The following CNTN4 variants were observed in gnomAD, a reference collection of about 807,000 sequenced individuals.
CNTN4 encodes the protein contactin 4.
A neutral mutation model predicts 122.5 loss-of-function variants in CNTN4; 77 were observed. The ratio of observed to expected loss-of-function variants is 0.63; its 90% CI spans 0.52 to 0.76. CNTN4 has a LOEUF of 0.76. CNTN4 is among the 30% of genes least tolerant of loss of function. CNTN4 has a pLI of 0.00. For synonymous variants in CNTN4, 512 were observed against 447.0 expected (o/e 1.15, Z -1.83); for missense variants, 1,256 against 1,259.1 (o/e 1.00, Z 0.04).
chr3:2,551,516 A>G (rs112202595), intron 3 of CNTN4, among the ~76,000 whole-genome samples: 1,689 of 152,242 alleles, frequency 0.011, 26 homozygotes, highest in African/African-American at 0.039. Context: ...TTATGTTAGG[A>G]TGGGAGTGAA....
At chr3:2,594,494 C>T (rs2080666451) in intron 4 of CNTN4, among the ~76,000 whole-genome samples, 1 of 148,278 alleles carries the variant, frequency 6.7e-6, no homozygotes, top group Non-Finnish European at 1.5e-5. Flanking sequence ...TCTCGGCTCA[C>T]TGCAACCTCC....
At chr3:3,048,550 G>A (rs534199657) in intron 23 of CNTN4, among the ~76,000 whole-genome samples, 2 of 151,544 alleles carry the variant, frequency 1.3e-5, no homozygotes, top group Non-Finnish European at 2.9e-5. Flanking sequence ...GTGTGTATTT[G>A]TGTGTGTGTA....
chr3:2,885,053 A>G (rs909835104), intron 9 of CNTN4, among the ~76,000 whole-genome samples: 4 of 152,236 alleles, frequency 2.6e-5, no homozygotes. Flanking sequence ...TGTCTGTCTA[A>G]CGAACTTAAA....
In CNTN4 at chr3:2,913,434, G is replaced by A. The variant is rs75863217; in HGVS notation, c.1207+10429G>A. ...TGTAAGAGACACACTTTAGATCTAG[G>A]GTTACACGCAAGCTGAAAATGAAAG... is the stretch of plus-strand genomic sequence containing the variant. On this transcript the variant is annotated intron_variant, in intron 12 of 24. Coordinates refer to ENST00000418658, the MANE Select transcript of CNTN4 (RefSeq NM_175607.3). Among the ~76,000 whole-genome samples the A allele has an allele frequency of 2.5e-3, 379 of 152,166 alleles. 12 individuals are homozygous for A. In the East Asian group the frequency reaches 0.058, roughly 23 times the overall value.
At chr3:2,294,791 AG>A (rs1470728761) in intron 2 of CNTN4, among the ~76,000 whole-genome samples, 2 of 152,092 alleles carry the variant, frequency 1.3e-5, no homozygotes, top group African/African-American at 4.8e-5. Context: ...CTCGTCATTT[AG>A]CATTAGGTAT....
chr3:2,163,952 C>T (rs547791038), intron 2 of CNTN4, among the ~76,000 whole-genome samples: 2 of 151,890 alleles, frequency 1.3e-5, no homozygotes, highest in Non-Finnish European at 2.9e-5. Flanking sequence ...CCTTAAGGAA[C>T]TAAAAGAGAG....
At chr3:2,529,194 A>T (rs2077508125) in intron 3 of CNTN4, among the ~76,000 whole-genome samples, 1 of 152,154 alleles carries the variant, frequency 6.6e-6, no homozygotes, top group Non-Finnish European at 1.5e-5. Flanking sequence ...CAGGAGTGAG[A>T]AGATGAAATA....
At chr3:2,394,330 A>G (rs13095094) in intron 3 of CNTN4, among the ~76,000 whole-genome samples, 25,910 of 152,064 alleles carry the variant, frequency 0.17, 2,605 homozygotes, top group Middle Eastern at 0.26. Context: ...AGAAGATGGA[A>G]TTTCATAGAT....
chr3:2,729,790 T>G (rs1301196108), intron 4 of CNTN4, among the ~76,000 whole-genome samples: 1 of 151,370 alleles, frequency 6.6e-6, no homozygotes, highest in Admixed American at 6.6e-5. Context: ...GGCACGCGCC[T>G]GTAATACCAG....
chr3:2,427,574 GATGTCT>G (rs1437300313), intron 3 of CNTN4, among the ~76,000 whole-genome samples: 1 of 152,212 alleles, frequency 6.6e-6, no homozygotes, highest in Non-Finnish European at 1.5e-5. Flanking sequence ...GAGTTCTGTA[GATGTCT>G]ATTAGGTCCG....
intron 3 of CNTN4, among the ~76,000 whole-genome samples, chr3:2,543,946 G>A (rs2078135516): frequency 6.6e-6 from 1 of 152,104 alleles, no homozygotes; most frequent in African/African-American, 2.4e-5. Context: ...GAAGCGACAA[G>A]CCTCTGTGGT....
intron 3 of CNTN4, among the ~76,000 whole-genome samples, chr3:2,416,378 ATAG>A (rs1343956609): frequency 6.6e-6 from 1 of 152,036 alleles, no homozygotes; most frequent in African/African-American, 2.4e-5. Context: ...TAAATTGGAG[ATAG>A]TAGGAATATC....
At chr3:2,779,868 G>C (rs955342) in intron 6 of CNTN4, among the ~76,000 whole-genome samples, 12,752 of 152,234 alleles carry the variant, frequency 0.084, 601 homozygotes, top group East Asian at 0.12. Flanking sequence ...TTGGCTAATA[G>C]AGTAGAGTAG....
intron 3 of CNTN4, among the ~76,000 whole-genome samples, chr3:2,445,547 T>G (rs1475523688): frequency 6.6e-6 from 1 of 152,208 alleles, no homozygotes; most frequent in African/African-American, 2.4e-5. Flanking sequence ...GGAACTGTCT[T>G]CTTAATTTTC....
At chr3:2,924,821 C>T (rs573924187) in intron 12 of CNTN4, among the ~76,000 whole-genome samples, 2 of 152,068 alleles carry the variant, frequency 1.3e-5, no homozygotes, top group South Asian at 4.2e-4. Context: ...AAGAAGCTTA[C>T]GGAGAGTGAC....
chr3:2,182,981 A>T (rs553695718), intron 2 of CNTN4, among the ~76,000 whole-genome samples: 72 of 152,270 alleles, frequency 4.7e-4, no homozygotes, highest in Non-Finnish European at 8.4e-4. Flanking sequence ...GATGAAAAGA[A>T]CTATATCCAT....
chr3:2,925,681 A>G lies in CNTN4; in HGVS notation c.1260A>G (p.Lys420=). The G allele has an allele frequency of 1.2e-6, 2 of 1,613,792 alleles. No individual in the cohort carries two copies. Among genetic ancestry groups the G allele is most frequent in the Non-Finnish European group, 1.7e-6 (2 of 1,179,760 alleles). Residue 420 remains lysine (K), a synonymous_variant, in exon 13 of 25, where the codon AAA becomes AAG. Coordinates refer to ENST00000418658, the MANE Select transcript of CNTN4 (RefSeq NM_175607.3). ...TCTTGAAAAGAGTAACTCTTGTCAA[A>G]GTGGGAGGTGAAGTTGTCATTGAGT... The part of the protein sequence containing the change: ...RTLLKRVTLV[K]VGGEVVIECK...
chr3:2,822,459 A>G (rs1054754265), intron 7 of CNTN4, among the ~76,000 whole-genome samples: 1 of 152,194 alleles, frequency 6.6e-6, no homozygotes, highest in African/African-American at 2.4e-5. Context: ...TATATGAGAA[A>G]ACCACTTCAC....
At chr3:2,631,234 C>T (rs959786963) in intron 4 of CNTN4, among the ~76,000 whole-genome samples, 4 of 152,028 alleles carry the variant, frequency 2.6e-5, no homozygotes, top group Non-Finnish European at 5.9e-5. Context: ...GGTTAAAATC[C>T]ATATAGTATG....
Sources: allele counts gnomAD v4.1 joint callset (sites outside exome capture counted in the v4.1 genomes callset), GRCh38; gene constraint gnomAD v4.1.1; transcripts MANE v1.5; gene names NCBI Gene and HGNC (gene_info 2026-07-23, HGNC 2026-07-21).